Variants in DIAPH2 observed in about 807,000 individuals in gnomAD.
DIAPH2 encodes protein diaphanous homolog 2.
A neutral mutation model predicts 92.7 loss-of-function variants in DIAPH2; 35 were observed. That is an observed-to-expected ratio of 0.38 (90% CI 0.29 to 0.50). The LOEUF (loss-of-function observed/expected upper bound fraction) is 0.50. Ranked by LOEUF, DIAPH2 falls within the 20% of genes least tolerant of loss-of-function variation. DIAPH2 has a pLI of 0.94. For synonymous variants in DIAPH2, 301 were observed against 280.4 expected, an observed-to-expected ratio of 1.07 and a Z score of -0.73; for missense variants, 701 against 819.5, an observed-to-expected ratio of 0.86 and a Z score of 1.77.
At chrX:97,288,586 CA>C (rs1387933781) in intron 23 of DIAPH2, among the ~76,000 whole-genome samples, 1 of 109,941 alleles carries the variant, frequency 9.1e-6, no homozygotes, top group Non-Finnish European at 1.9e-5. Context: ...ACTAAAAGTA[CA>C]AAAATTAGCT....
intron 7 of DIAPH2, among the ~76,000 whole-genome samples, chrX:96,913,259 T>C (rs1048379168): frequency 5.4e-5 from 6 of 111,704 alleles, no homozygotes; most frequent in African/African-American, 1.6e-4. Flanking sequence ...AGAAATGCTG[T>C]GTCTGATTCT....
intron 17 of DIAPH2, among the ~76,000 whole-genome samples, chrX:96,981,856 C>T (rs978168118): frequency 9.0e-6 from 1 of 111,629 alleles, no homozygotes; most frequent in Non-Finnish European, 1.9e-5. Context: ...ACTTCAAGAT[C>T]CCTTTATCTG....
In DIAPH2 at chrX:97,396,610, T is replaced by G. The variant is rs755756167; in HGVS notation, c.3145+12566T>G. On this transcript the variant is annotated intron_variant, in intron 25 of 26. Transcript: ENST00000324765. Reference sequence around the variant, plus strand: ...TTGCTTGAACCCGGGTACTCCAGTCTGGGCGACAGAGTGAGACTCTGTCTA... The same window carrying G: ...TTGCTTGAACCCGGGTACTCCAGTCGGGGCGACAGAGTGAGACTCTGTCTA... Among the ~76,000 whole-genome samples the G allele has an allele frequency of 1.0e-3, 111 of 111,342 alleles. 1 individual carries two copies. The highest frequency in any genetic ancestry group is 1.8e-3 in the Non-Finnish European group (95 of 53,033).
intron 4 of DIAPH2, among the ~76,000 whole-genome samples, chrX:96,832,440 G>A (rs1381993750): frequency 9.0e-6 from 1 of 110,762 alleles, no homozygotes; most frequent in African/African-American, 3.3e-5. Context: ...AAATAGATAG[G>A]TTATTTTCTG....
intron 23 of DIAPH2, among the ~76,000 whole-genome samples, chrX:97,343,681 CAAAAG>C (rs1440312004): frequency 1.9e-5 from 1 of 51,369 alleles, no homozygotes; most frequent in Non-Finnish European, 3.7e-5. Flanking sequence ...AAAAACAAAA[CAAAAG>C]AAAGCAAAGC....
At chrX:97,184,202 A>G (rs1204827174) in intron 22 of DIAPH2, among the ~76,000 whole-genome samples, 1 of 111,564 alleles carries the variant, frequency 9.0e-6, no homozygotes, top group Non-Finnish European at 1.9e-5. Context: ...GCCTTTTCCC[A>G]TCATTGAAGA....
chrX:96,846,099 C>T (rs1240565917), intron 4 of DIAPH2, among the ~76,000 whole-genome samples: 1 of 108,328 alleles, frequency 9.2e-6, no homozygotes, highest in African/African-American at 3.4e-5. Flanking sequence ...CAGCTGCCTC[C>T]GGCCGAGCAA....
chrX:97,350,211 G>A (rs985268393), intron 24 of DIAPH2, among the ~76,000 whole-genome samples: 4 of 110,750 alleles, frequency 3.6e-5, no homozygotes, highest in African/African-American at 1.3e-4. Flanking sequence ...TTGGGAGGCT[G>A]AGGCAGGAGA....
At chrX:97,331,930 T>C (rs1406304498) in intron 23 of DIAPH2, among the ~76,000 whole-genome samples, 1 of 111,457 alleles carries the variant, frequency 9.0e-6, no homozygotes, top group Non-Finnish European at 1.9e-5. Context: ...AAATATATAG[T>C]ATTTCAATGT....
At chrX:97,063,720 G>T (rs2066615958) in intron 17 of DIAPH2, among the ~76,000 whole-genome samples, 1 of 111,963 alleles carries the variant, frequency 8.9e-6, no homozygotes, top group African/African-American at 3.2e-5. Flanking sequence ...TGCAGGGGTA[G>T]TGTTGAACAT....
chrX:97,053,296 C>T (rs889550166), intron 17 of DIAPH2, among the ~76,000 whole-genome samples: 3 of 111,518 alleles, frequency 2.7e-5, no homozygotes, highest in Non-Finnish European at 5.7e-5. Flanking sequence ...TTTTGGCCTC[C>T]AGGTATTCCT....
intron 5 of DIAPH2, among the ~76,000 whole-genome samples, chrX:96,899,341 G>C (rs1199451614): frequency 9.1e-6 from 1 of 110,411 alleles, no homozygotes; most frequent in African/African-American, 3.3e-5. Flanking sequence ...TCACGATACT[G>C]ATTCTTCCTA....
At chrX:97,492,991 A>C (rs768996970) in intron 26 of DIAPH2, among the ~76,000 whole-genome samples, 17 of 111,916 alleles carry the variant, frequency 1.5e-4, no homozygotes, top group Middle Eastern at 4.6e-3. Context: ...TCCCCTGACT[A>C]TCTCTCTTCT....
At chrX:97,190,582 C>T (rs1235588130) in intron 22 of DIAPH2, among the ~76,000 whole-genome samples, 1 of 111,568 alleles carries the variant, frequency 9.0e-6, no homozygotes, top group Non-Finnish European at 1.9e-5. Context: ...GGCATGGTGG[C>T]TCACGCCTGT....
chrX:96,836,590 AAG>A (rs1323736926), intron 4 of DIAPH2, among the ~76,000 whole-genome samples: 2 of 102,905 alleles, frequency 1.9e-5, no homozygotes, highest in Admixed American at 2.1e-4. Flanking sequence ...GAATAGAAAA[AAG>A]AAAAGCTGCA....
chrX:97,429,830 T>C, intron 26 of DIAPH2, 85 bp downstream of exon 26: 1 of 882,189 alleles, frequency 1.1e-6, no homozygotes, highest in Non-Finnish European at 1.5e-6. Flanking sequence ...AAAGGAAAAA[T>C]AAAAATACTT....
chrX:97,071,955 G>A (rs1446426815), intron 17 of DIAPH2, among the ~76,000 whole-genome samples: 1 of 111,536 alleles, frequency 9.0e-6, no homozygotes, highest in African/African-American at 3.3e-5. Context: ...ATGAATTTGG[G>A]GGCAAGGACC....
intron 22 of DIAPH2, among the ~76,000 whole-genome samples, chrX:97,161,059 T>TG (rs1456812735): frequency 9.5e-6 from 1 of 105,505 alleles, no homozygotes; most frequent in Non-Finnish European, 2.0e-5. Context: ...TTGTTTTTTT[T>TG]TTTTTTTTCC....
chrX:96,943,727 A>G (rs1199172170), intron 13 of DIAPH2, among the ~76,000 whole-genome samples: 1 of 111,213 alleles, frequency 9.0e-6, no homozygotes. Flanking sequence ...TTAGTCAAGT[A>G]GTATTCAGTA....
Sources: gnomAD v4.1 joint callset for allele counts (sites outside exome capture counted in the v4.1 genomes callset) on GRCh38, gnomAD v4.1.1 for gene constraint, MANE v1.5 for transcripts, NCBI Gene and HGNC (gene_info 2026-07-23, HGNC 2026-07-21) for gene names.